MEPE: variants seen among roughly 807,000 people sequenced by gnomAD.
MEPE encodes matrix, extracellular phosphoglycoprotein with ASARM motif (bone).
Under a neutral mutation model 7.3 loss-of-function variants are expected in MEPE, and 7 were observed. The observed-to-expected ratio is 0.95, with a 90% confidence interval of 0.54 to 1.79. The LOEUF is 1.79. MEPE is among the 40% of genes most tolerant of loss of function. The pLI, the probability that MEPE is intolerant of heterozygous loss-of-function variation, is 0.00. For synonymous variants in MEPE, 214 were observed against 213.1 expected, an observed-to-expected ratio of 1.00 and a Z score of -0.04; for missense variants, 623 against 628.2, an observed-to-expected ratio of 0.99 and a Z score of 0.09.
rs938808161 is a variant in MEPE at position 87,846,502 on chromosome 4, G to T, written c.*56G>T. The T allele has an allele frequency of 6.5e-7, 1 of 1,544,394 alleles. No individual in the cohort carries two copies. Among genetic ancestry groups the T allele is most frequent in the African/African-American group, 1.4e-5 (1 of 72,766 alleles). On this transcript the variant is annotated 3_prime_UTR_variant, in exon 4 of 4. Coordinates refer to ENST00000361056, the MANE Select transcript of MEPE (RefSeq NM_020203.6). ...CTGAAGACCTCGTCACCTGTGAGTT[G>T]ATGTAGAGGAGAGCCACCTGACAGC...
At chr4:87,838,872 G>A (rs1578059219) in intron 3 of MEPE, among the ~76,000 whole-genome samples, 187 bp downstream of exon 3, 2 of 152,330 alleles carry the variant, frequency 1.3e-5, no homozygotes, top group East Asian at 3.9e-4. Flanking sequence ...TGACAGAAAA[G>A]AGGAAAACAT....
rs560521739 is a variant in MEPE, at chr4:87,839,851, A to C, written c.108+1166A>C. ...CTAGCCCTAGAGGAAAATGTAGGGG[A>C]GGCAAAGTTTACTTTTGCTTGCTCT... is the stretch of plus-strand genomic sequence containing the variant. On this transcript the variant is annotated intron_variant, in intron 3 of 3. Transcript: ENST00000361056. The C allele has an allele frequency of 4.9e-5, 76 of 1,542,964 alleles. No homozygotes were observed. The Admixed American group carries it at 5.7e-4, about 12-fold the overall frequency.
At chr4:87,838,846 ACT>A (rs1347767279) in intron 3 of MEPE, among the ~76,000 whole-genome samples, 161 bp downstream of exon 3, 1 of 152,248 alleles carries the variant, frequency 6.6e-6, no homozygotes, top group Admixed American at 6.5e-5. Context: ...AGGTATTGTA[ACT>A]CACACACCAT....
At position 87,839,560 on chromosome 4, in the gene MEPE, A is replaced by T. The variant is rs1205535053; in HGVS notation, c.108+875A>T. 3 of 667,844 alleles carry T rather than the reference A, an allele frequency of 4.5e-6. No individual in the cohort carries two copies. The East Asian group carries it at 8.1e-5, about 18-fold the overall frequency. The allele number at this position is 667,844 out of a possible 1,614,324, so 41.4% of individuals were successfully genotyped here. A position where few individuals can be genotyped will look rare whatever the true frequency, so the allele number is the denominator to read the frequency against. On this transcript the variant is annotated intron_variant, in intron 3 of 3. Coordinates refer to ENST00000361056, the MANE Select transcript of MEPE (RefSeq NM_020203.6). ...CCCTCCTGTGGTTATAAGAAGTACT[A>T]CCATTTGTCAGAGGTAGAATTCAAC... is the stretch of plus-strand genomic sequence containing the variant.
chr4:87,834,135 A>C (rs1578055312), intron 1 of MEPE, among the ~76,000 whole-genome samples: 1 of 152,236 alleles, frequency 6.6e-6, no homozygotes, highest in South Asian at 2.1e-4. Flanking sequence ...GGCTCATTTT[A>C]GTATTCAATA....
intron 3 of MEPE, among the ~76,000 whole-genome samples, chr4:87,840,442 T>C (rs1394615487): frequency 6.6e-6 from 1 of 152,250 alleles, no homozygotes; most frequent in Non-Finnish European, 1.5e-5. Context: ...CCCTTCAGAA[T>C]GTTATTTTCT....
chr4:87,846,152 T>C lies in MEPE; in HGVS notation c.1284T>C (p.Pro428=). ...CCTTAAATGAAAAACAAAGGTTTCCTAGTAAGGGCAAAAGTCAGGGCCTGC... is the reference window on the plus strand; with the variant it reads ...CCTTAAATGAAAAACAAAGGTTTCCCAGTAAGGGCAAAAGTCAGGGCCTGC... ...QATLNEKQRF[P]SKGKSQGLPI... The change falls in exon 4 of 4, where the codon CCT becomes CCC. Residue 428 remains proline, a synonymous_variant. Transcript: ENST00000361056. 2 of 1,614,048 alleles carry C rather than the reference T, an allele frequency of 1.2e-6. No individual in the cohort carries two copies. Among genetic ancestry groups the C allele is most frequent in the African/African-American group, 2.7e-5 (2 of 75,034 alleles).
At chr4:87,822,563 C>T (rs1363506732) in intron 1 of MEPE, among the ~76,000 whole-genome samples, 1 of 152,192 alleles carries the variant, frequency 6.6e-6, no homozygotes, top group Non-Finnish European at 1.5e-5. Flanking sequence ...ATAAGCATCA[C>T]CTGTATGGTG....
Position 87,846,368 on chromosome 4 carries a change from G to A in MEPE, c.1500G>A (p.Arg500=). 6.2e-7 allele frequency: 1 copy of A among 1,614,046 alleles called. No homozygotes were observed. The highest frequency in any genetic ancestry group is 8.5e-7 in the Non-Finnish European group (1 of 1,179,958). ...GSWGRQPHSN[R]RFSSRRRDDS... is the part of the protein sequence containing the mutation. ...GGGGTAGACAACCCCATTCCAACAG[G>A]AGGTTTAGTTCCCGTAGAAGGGATG... The change falls in exon 4 of 4, where the codon AGG becomes AGA. Residue 500 remains arginine (R), a synonymous_variant. Coordinates refer to ENST00000361056, the MANE Select transcript of MEPE (RefSeq NM_020203.6).
upstream of MEPE, among the ~76,000 whole-genome samples, chr4:87,828,397 T>A (rs1722523425): frequency 6.6e-6 from 1 of 152,042 alleles, no homozygotes; most frequent in African/African-American, 2.4e-5. Flanking sequence ...ATTGTGTGAG[T>A]CTGTCTAAAA....
chr4:87,834,657 T>C (rs1722713927), intron 1 of MEPE, 46 bp from the exon 2 acceptor site: 13 of 1,474,380 alleles, frequency 8.8e-6, no homozygotes, highest in Non-Finnish European at 1.2e-5. Context: ...GGCTGCAGTT[T>C]ATAACTGGCA....
chr4:87,839,153 C>A (rs114034369), intron 3 of MEPE, among the ~76,000 whole-genome samples: 2 of 152,150 alleles, frequency 1.3e-5, no homozygotes, highest in Non-Finnish European at 2.9e-5. Context: ...GAATCCTCCC[C>A]GCTTTGCATG....
At position 87,845,831 on chromosome 4, in the gene MEPE, T is replaced by A; in HGVS notation, c.963T>A (p.Asp321Glu). Residue 321 changes from aspartate to glutamate, a missense_variant, in exon 4 of 4, where the codon GAT becomes GAA. By Grantham distance (45) the Asp-to-Glu change is conservative. Coordinates refer to ENST00000361056, the MANE Select transcript of MEPE (RefSeq NM_020203.6). ...GTGGAAATACCATTGGAACTAGGGA[T>A]GAAACTGCGAAAGAGGCAGATGCTG... ...ENGGNTIGTR[D>E]ETAKEADAVD... 6.2e-7 allele frequency: 1 copy of A among 1,613,968 alleles called. No individual in the cohort carries two copies. The highest frequency in any genetic ancestry group is 8.5e-7 in the Non-Finnish European group (1 of 1,179,954).
In MEPE at chr4:87,833,023, G is replaced by T. The variant is rs1034747337; in HGVS notation, c.-13+9G>T. 1 of 152,120 alleles carries T rather than the reference G, an allele frequency of 6.6e-6. No individual in the cohort carries two copies. Among genetic ancestry groups the T allele is most frequent in the African/African-American group, 2.4e-5 (1 of 41,438 alleles). The allele number at this position is 152,120 out of a possible 1,614,324, so 9.4% of individuals were successfully genotyped here. On this transcript the variant is annotated intron_variant, in intron 1 of 3. Transcript: ENST00000361056. ...AAGGTGAAAGATACCAGGTAATTTG[G>T]CTTTCATGTTCTTGACAGCAAATAG...
chr4:87,828,075 G>A (rs1485118468), upstream of MEPE, among the ~76,000 whole-genome samples: 1 of 152,182 alleles, frequency 6.6e-6, no homozygotes, highest in Non-Finnish European at 1.5e-5. Context: ...AACAGGGCAA[G>A]ACTCCCAGCA....
At chr4:87,827,110 CG>C (rs35687602) in intron 1 of MEPE, among the ~76,000 whole-genome samples, 39,413 of 152,080 alleles carry the variant, frequency 0.26, 6,427 homozygotes, top group Non-Finnish European at 0.34. Context: ...TGTGGCATAT[CG>C]GATGTGCAGC....
At chr4:87,836,724 C>A (rs910217021) in intron 2 of MEPE, among the ~76,000 whole-genome samples, 1 of 152,050 alleles carries the variant, frequency 6.6e-6, no homozygotes, top group African/African-American at 2.4e-5. Context: ...CATATTTAAT[C>A]ATTCAAAAAT....
upstream of MEPE, among the ~76,000 whole-genome samples, chr4:87,832,130 G>A (rs1165409437): frequency 6.6e-6 from 1 of 151,826 alleles, no homozygotes; most frequent in Non-Finnish European, 1.5e-5. Flanking sequence ...AGGGCAAAAA[G>A]GGACTAGCTA....
chr4:87,823,039 G>C (rs546989234), intron 1 of MEPE, among the ~76,000 whole-genome samples: 22 of 152,210 alleles, frequency 1.4e-4, no homozygotes, highest in Non-Finnish European at 2.6e-4. Flanking sequence ...CAAAGTTTGG[G>C]AAGCATTGAG....
Sources: allele counts gnomAD v4.1 joint callset (sites outside exome capture counted in the v4.1 genomes callset), GRCh38; gene constraint gnomAD v4.1.1; transcripts MANE v1.5; gene names NCBI Gene and HGNC (gene_info 2026-07-23, HGNC 2026-07-21).